HNRNPLL: variants seen among roughly 807,000 people sequenced by gnomAD.
HNRNPLL encodes heterogeneous nuclear ribonucleoprotein L-like.
A neutral mutation model predicts 67.1 loss-of-function variants in HNRNPLL; 25 were observed. That is an observed-to-expected ratio of 0.37 (90% confidence interval 0.27 to 0.52). The LOEUF (loss-of-function observed/expected upper bound fraction) is 0.52. HNRNPLL is among the 20% of genes least tolerant of loss of function. The probability of loss-of-function intolerance (pLI) is 0.90; values close to 1 mark genes in which losing one functional copy is unlikely to be tolerated. For missense variants in HNRNPLL, 542 were observed against 673.9 expected (o/e 0.80, Z 2.17); for synonymous variants, 267 against 241.7 (o/e 1.10, Z -0.97).
rs1376176575 is a variant in HNRNPLL, at chr2:38,568,386, G to A, written c.1474C>T (p.Pro492Ser). ...FIKYKVFDAKPSAKTLSGLLE... is the reference protein window; with the variant it reads ...FIKYKVFDAKSSAKTLSGLLE... ...TTTAAAAGAGGGACTGTTCACTTAC[G>A]TTTTGCATCAAACACTTTATATTTG... The change falls in exon 11 of 13, where the codon CCT becomes TCT. Residue 492 changes from proline to serine, a missense_variant and splice_region_variant. Pro to Ser is a moderately conservative substitution (Grantham distance 74). This residue lies in a region of HNRNPLL where 415 missense variants were observed against 575.2 expected (regional missense o/e 0.72). Coordinates refer to ENST00000449105, the MANE Select transcript of HNRNPLL (RefSeq NM_138394.4). The A allele has an allele frequency of 9.3e-6, 15 of 1,607,674 alleles. No homozygotes were observed. The highest frequency in any genetic ancestry group is 5.0e-5 in the Admixed American group (3 of 59,730).
At position 38,571,200 on chromosome 2, in the gene HNRNPLL, G is replaced by GTTTAA. The variant is rs529844590; in HGVS notation, c.1093-1276_1093-1275insTTAAA. On this transcript the variant is annotated intron_variant, in intron 8 of 12. Coordinates refer to ENST00000449105, the MANE Select transcript of HNRNPLL (RefSeq NM_138394.4). ...CCTGTACATACATACCTATGATAAA[G>GTTTAA]TTTATAAATTAGGCACAGTAATAGA... 4.7e-4 allele frequency among the ~76,000 whole-genome samples: 72 copies of GTTTAA among 152,136 alleles called. 4 individuals are homozygous for GTTTAA. In the East Asian group the frequency reaches 0.014, roughly 29 times the overall value.
chr2:38,578,454 C>CAA (rs967804908), intron 6 of HNRNPLL, among the ~76,000 whole-genome samples: 8 of 151,826 alleles, frequency 5.3e-5, no homozygotes, highest in Admixed American at 1.3e-4. Flanking sequence ...ATATGTATCT[C>CAA]AAGACTCTGG....
intron 2 of HNRNPLL, among the ~76,000 whole-genome samples, chr2:38,587,266 T>TG (rs1666769578): frequency 6.6e-6 from 1 of 152,192 alleles, no homozygotes; most frequent in African/African-American, 2.4e-5. Context: ...TTATAAAACT[T>TG]GGAGAATTGT....
At chr2:38,593,345 G>A (rs1490989307) in intron 1 of HNRNPLL, among the ~76,000 whole-genome samples, 1 of 152,164 alleles carries the variant, frequency 6.6e-6, no homozygotes, top group Non-Finnish European at 1.5e-5. Context: ...AAAGCAGGAA[G>A]AGCTCTAAAT....
chr2:38,600,413 A>T (rs943200512), intron 1 of HNRNPLL, among the ~76,000 whole-genome samples: 1 of 152,158 alleles, frequency 6.6e-6, no homozygotes, highest in Admixed American at 6.5e-5. Context: ...TAGTAAACTG[A>T]CTTTCTCAGA....
rs980255540 is a variant in HNRNPLL, at chr2:38,566,126, C to T, written c.1574-1889G>A. 3.4e-5 allele frequency: 33 copies of T among 981,588 alleles called. No homozygotes were observed. The African/African-American group carries it at 4.2e-4, about 12-fold the overall frequency. The allele number at this position is 981,588 out of a possible 1,614,324, so 60.8% of individuals were successfully genotyped here. A position where few individuals can be genotyped will look rare whatever the true frequency, so the allele number is the denominator to read the frequency against. Reference sequence around the variant, plus strand: ...TCTCACGCCTGTAATCCCAGCACTTCGGAAGGCGGAGGTGGGCAGATCATG... The same window carrying T: ...TCTCACGCCTGTAATCCCAGCACTTTGGAAGGCGGAGGTGGGCAGATCATG... On this transcript the variant is annotated intron_variant, in intron 12 of 12. Transcript: ENST00000449105.
Position 38,569,909 on chromosome 2 carries a change from G to A in HNRNPLL, c.1109C>T (p.Thr370Ile). 1 of 1,590,472 alleles carries A rather than the reference G, an allele frequency of 6.3e-7. No individual in the cohort carries two copies. Among genetic ancestry groups the A allele is most frequent in the Non-Finnish European group, 8.6e-7 (1 of 1,167,344 alleles). ...GNIEKVKFMK[T>I]IPGTALVEMG... is the part of the protein sequence containing the mutation. The stretch of plus-strand genomic sequence containing the variant: ...TTCTACCAGTGCTGTACCAGGAATG[G>A]TCTTCATAAATTTTACCTGTAAACA... The change falls in exon 9 of 13, where the codon ACC becomes ATC. Residue 370 changes from threonine (T) to isoleucine (I), a missense_variant. Thr to Ile is a moderately conservative substitution (Grantham distance 89). Coordinates refer to ENST00000449105, the MANE Select transcript of HNRNPLL (RefSeq NM_138394.4).
chr2:38,583,752 T>C (rs1004974889), intron 4 of HNRNPLL, 89 bp downstream of exon 4: 26 of 552,662 alleles, frequency 4.7e-5, no homozygotes, highest in East Asian at 2.3e-4. Context: ...GAGGACAAAG[T>C]AAACACCACT....
At chr2:38,599,142 T>C (rs1667323765) in intron 1 of HNRNPLL, among the ~76,000 whole-genome samples, 1 of 152,268 alleles carries the variant, frequency 6.6e-6, no homozygotes, top group Non-Finnish European at 1.5e-5. Flanking sequence ...TTCAATGTGC[T>C]GTATAATCCT....
intron 1 of HNRNPLL, among the ~76,000 whole-genome samples, chr2:38,600,300 CT>C (rs1192601408): frequency 9.2e-5 from 14 of 152,110 alleles, no homozygotes; most frequent in African/African-American, 3.4e-4. Flanking sequence ...GCCGGGGTAA[CT>C]TAAAAGCAGC....
intron 1 of HNRNPLL, among the ~76,000 whole-genome samples, chr2:38,593,921 T>C (rs1160826512): frequency 6.8e-6 from 1 of 147,440 alleles, no homozygotes; most frequent in Non-Finnish European, 1.5e-5. Flanking sequence ...ACGCCTGCAA[T>C]CCCACCACTA....
chr2:38,591,504 C>T (rs1272720901), intron 2 of HNRNPLL, 26 bp downstream of exon 2: 2 of 1,141,136 alleles, frequency 1.8e-6, no homozygotes, highest in East Asian at 4.7e-5. Flanking sequence ...AGTTTTCAAT[C>T]TACATGAAGT....
intron 2 of HNRNPLL, 140 bp downstream of exon 2, chr2:38,591,390 A>G: frequency 1.6e-6 from 1 of 630,082 alleles, no homozygotes; most frequent in Non-Finnish European, 2.9e-6. Flanking sequence ...AAAGAAATAC[A>G]GTCATAGGCA....
At chr2:38,569,444 G>A (rs1050326201) in intron 9 of HNRNPLL, 110 bp from the exon 10 acceptor site, 3 of 701,804 alleles carry the variant, frequency 4.3e-6, no homozygotes, top group Admixed American at 2.5e-5. Flanking sequence ...CCAAAAAAAG[G>A]CATACATAGA....
chr2:38,566,140 G>A (rs1665851091), intron 12 of HNRNPLL: 2 of 955,732 alleles, frequency 2.1e-6, no homozygotes, highest in Non-Finnish European at 2.5e-6. Flanking sequence ...AGGCGGAGGT[G>A]GGCAGATCAT....
At chr2:38,567,750 A>C (rs1357017946) in intron 12 of HNRNPLL, among the ~76,000 whole-genome samples, 1 of 152,180 alleles carries the variant, frequency 6.6e-6, no homozygotes, top group Non-Finnish European at 1.5e-5. Flanking sequence ...AACATTGTTG[A>C]TTTATCTCTT....
chr2:38,579,947 G>C (rs1027516117), intron 6 of HNRNPLL, among the ~76,000 whole-genome samples: 1 of 152,028 alleles, frequency 6.6e-6, no homozygotes, highest in Non-Finnish European at 1.5e-5. Flanking sequence ...AACGTTTTAC[G>C]TGCTTTAATT....
chr2:38,564,110 T>A lies in HNRNPLL; in HGVS notation c.*72A>T. The A allele has an allele frequency of 1.2e-6, 1 of 853,444 alleles. No homozygotes were observed. The highest frequency in any genetic ancestry group is 1.5e-5 in the South Asian group (1 of 68,018). The allele number at this position is 853,444 out of a possible 1,614,324, so 52.9% of individuals were successfully genotyped here. A position where few individuals can be genotyped will look rare whatever the true frequency, so the allele number is the denominator to read the frequency against. On this transcript the variant is annotated 3_prime_UTR_variant, in exon 13 of 13. Transcript: ENST00000449105. ...GCAACATGAGATCAACCATTTTAGA[T>A]TTTTTTTTAATGAAGTGTAGCTTTG...
rs1385359873 is a variant in HNRNPLL at position 38,582,036 on chromosome 2, A to G, written c.729+36T>C. On this transcript the variant is annotated intron_variant, in intron 5 of 12. Transcript: ENST00000449105. ...TTCAAACTGCATATCCAAAGCATAA[A>G]TATTTCTTGGGTAGGGTGTTGAAAA... is the stretch of plus-strand genomic sequence containing the variant. 12 of 1,600,404 alleles carry G rather than the reference A, an allele frequency of 7.5e-6. No individual in the cohort carries two copies. The African/African-American group carries it at 1.1e-4, about 14-fold the overall frequency.
Sources: gnomAD v4.1 joint callset for allele counts (sites outside exome capture counted in the v4.1 genomes callset) on GRCh38, gnomAD v4.1.1 for gene constraint, gnomAD v4.1.1 regional missense constraint, MANE v1.5 for transcripts, NCBI Gene and HGNC (gene_info 2026-07-23, HGNC 2026-07-21) for gene names.